The following ITGA7 variants were observed in gnomAD, a reference collection of about 807,000 sequenced individuals.
The protein encoded by ITGA7 is integrin subunit alpha 7.
Under a neutral mutation model 131.6 loss-of-function variants are expected in ITGA7, and 84 were observed. The ratio of observed to expected loss-of-function variants is 0.64; its 90% confidence interval spans 0.54 to 0.77. The LOEUF (loss-of-function observed/expected upper bound fraction) is 0.77, where lower values mean the gene tolerates loss of function less well. Ranked by LOEUF, ITGA7 falls within the 30% of genes least tolerant of loss-of-function variation. The probability of loss-of-function intolerance (pLI) is 0.00; values close to 1 mark genes in which losing one functional copy is unlikely to be tolerated. For missense variants in ITGA7, 1,399 were observed against 1,482.9 expected (o/e 0.94, Z 0.93); for synonymous variants, 548 against 600.7 (o/e 0.91, Z 1.28).
rs567064749 is a variant in ITGA7, at chr12:55,700,384, C to T, written c.671-395G>A. ...TGAGCCCTGTGCACAGAGCTCCACC[C>T]TGGCCGTGCCTGCAAGGACAGACCT... On this transcript the variant is annotated intron_variant, in intron 4 of 24. Coordinates refer to ENST00000257879, the MANE Select transcript of ITGA7 (RefSeq NM_002206.3). 2.8e-5 allele frequency: 45 copies of T among 1,606,708 alleles called. 1 individual carries two copies. The South Asian group carries it at 5.0e-4, about 18-fold the overall frequency.
At chr12:55,692,499 A>G (rs995251845) in intron 21 of ITGA7, among the ~76,000 whole-genome samples, 4 of 152,260 alleles carry the variant, frequency 2.6e-5, no homozygotes, top group Non-Finnish European at 5.9e-5. Flanking sequence ...TTTATCTTAT[A>G]AGAGTTCAAA....
chr12:55,696,958 T>C lies in ITGA7; in HGVS notation c.1678A>G (p.Thr560Ala), dbSNP rs1355173470. 6.2e-7 allele frequency: 1 copy of C among 1,614,150 alleles called. No individual in the cohort carries two copies. Among genetic ancestry groups the C allele is most frequent in the Non-Finnish European group, 8.5e-7 (1 of 1,180,028 alleles). ...LEEPKHQASGTVWLKHQHDRV... is the reference protein window; with the variant it reads ...LEEPKHQASGAVWLKHQHDRV... The stretch of plus-strand genomic sequence containing the variant: ...TCATGCTGGTGCTTCAGCCACACGG[T>C]GCCCGAGGCCTGGTGCTTGGGTTCT... Residue 560 changes from threonine to alanine, a missense_variant, in exon 12 of 25, where the codon ACC (threonine) becomes GCC (alanine). Physicochemically the swap from Thr to Ala is moderately conservative, Grantham distance 58. Coordinates refer to ENST00000257879, the MANE Select transcript of ITGA7 (RefSeq NM_002206.3).
chr12:55,705,545 C>T (rs1437660773), intron 1 of ITGA7, among the ~76,000 whole-genome samples: 2 of 152,226 alleles, frequency 1.3e-5, no homozygotes, highest in Non-Finnish European at 2.9e-5. Context: ...CTGGGTGGCC[C>T]TCTGGGGAGG....
chr12:55,712,048 T>G, upstream of ITGA7: 1 of 1,549,488 alleles, frequency 6.5e-7, no homozygotes. Flanking sequence ...ATGAGAACTT[T>G]TTTACTTCAC....
intron 13 of ITGA7, 33 bp from the exon 14 acceptor site, chr12:55,695,670 AG>A: frequency 6.7e-7 from 1 of 1,502,524 alleles, no homozygotes; most frequent in South Asian, 1.1e-5. Context: ...GGGCATTCCT[AG>A]GGGGCAAGGC....
chr12:55,711,547 T>C (rs543670286), upstream of ITGA7, among the ~76,000 whole-genome samples: 1 of 151,880 alleles, frequency 6.6e-6, no homozygotes, highest in East Asian at 1.9e-4. Context: ...TGATAATCCA[T>C]GGAATAGATT....
At chr12:55,716,311 CG>C, upstream of ITGA7, 1 of 1,511,746 alleles carries the variant, frequency 6.6e-7, no homozygotes, top group Non-Finnish European at 8.8e-7. Flanking sequence ...TAGCGGGCAA[CG>C]GGCATGGGGG....
In ITGA7 at chr12:55,698,580, T is replaced by C. The variant is rs370741662; in HGVS notation, c.999-4A>G. ...ACCCACTATCAGGTCTGGCCAGCTA[T>C]GGAGAGAGGGAAACATTCAGTGTGG... On this transcript the variant is annotated splice_region_variant and splice_polypyrimidine_tract_variant and intron_variant, in intron 6 of 24. Transcript: ENST00000257879. The C allele has an allele frequency of 9.3e-4, 1,498 of 1,614,038 alleles. 17 individuals are homozygous for C. In the South Asian group the frequency reaches 0.014, roughly 15 times the overall value.
At chr12:55,707,925 C>A (rs560519020), upstream of ITGA7, 45 of 1,385,518 alleles carry the variant, frequency 3.2e-5, no homozygotes, top group Non-Finnish European at 4.2e-5. Flanking sequence ...GCCTCCTCTC[C>A]CGGGGACGCC....
At chr12:55,691,287 T>C (rs987709469) in intron 21 of ITGA7, among the ~76,000 whole-genome samples, 1 of 152,134 alleles carries the variant, frequency 6.6e-6, no homozygotes, top group African/African-American at 2.4e-5. Flanking sequence ...GAGAGTAGAA[T>C]AGTTGTTACC....
chr12:55,702,562 G>GCCT (rs1874294070), intron 3 of ITGA7, among the ~76,000 whole-genome samples: 1 of 151,994 alleles, frequency 6.6e-6, no homozygotes, highest in African/African-American at 2.4e-5. Flanking sequence ...TGATCCACCT[G>GCCT]CCTCGGCCTC....
chr12:55,703,382 T>C (rs1027152780), intron 1 of ITGA7, among the ~76,000 whole-genome samples: 5 of 151,648 alleles, frequency 3.3e-5, no homozygotes, highest in African/African-American at 9.7e-5. Flanking sequence ...TGCATGTACA[T>C]ACTATCTGGA....
At chr12:55,699,824 AGGCT>A in intron 5 of ITGA7, 42 bp downstream of exon 5, 1 of 1,574,030 alleles carries the variant, frequency 6.4e-7, no homozygotes, top group South Asian at 1.2e-5. Flanking sequence ...GAAGGAGGGG[AGGCT>A]GGGCCATGCC....
At chr12:55,711,954 T>C, upstream of ITGA7, 1 of 877,594 alleles carries the variant, frequency 1.1e-6, no homozygotes, top group Non-Finnish European at 1.9e-6. Flanking sequence ...ACTTCAGGGC[T>C]AACTTCTCCC....
intron 7 of ITGA7, 42 bp downstream of exon 7, chr12:55,698,340 TG>T: frequency 6.5e-7 from 1 of 1,541,938 alleles, no homozygotes; most frequent in Admixed American, 1.9e-5. Context: ...CCATCCCTCC[TG>T]TGGCCCCTCC....
upstream of ITGA7, among the ~76,000 whole-genome samples, chr12:55,710,674 T>C (rs1358060465): frequency 6.7e-6 from 1 of 149,458 alleles, no homozygotes; most frequent in Non-Finnish European, 1.5e-5. Flanking sequence ...TAGGCGGGAG[T>C]GTCACTTGAG....
rs539358320 is a variant in ITGA7, at chr12:55,701,262, C to T, written c.415-108G>A. ...GCAGATACTGATACATGTGTGCTCA[C>T]ATGCACATGCACATGCACACATACA... On this transcript the variant is annotated intron_variant, in intron 3 of 24. Coordinates refer to ENST00000257879, the MANE Select transcript of ITGA7 (RefSeq NM_002206.3). 1.1e-4 allele frequency: 171 copies of T among 1,549,486 alleles called. No individual in the cohort carries two copies. In the African/African-American group the frequency reaches 2.1e-3, roughly 19 times the overall value.
intron 21 of ITGA7, among the ~76,000 whole-genome samples, chr12:55,691,953 C>A (rs1303629489): frequency 1.3e-5 from 2 of 152,174 alleles, no homozygotes. Context: ...CGAGCCCCAT[C>A]CTAGCAGGGA....
rs778072374 is a variant in ITGA7 at position 55,693,324 on chromosome 12, G to GA, written c.2536-8dup. 178 of 1,611,272 alleles carry GA rather than the reference G, an allele frequency of 1.1e-4. No homozygotes were observed. The highest frequency in any genetic ancestry group is 1.3e-4 in the Non-Finnish European group (157 of 1,178,130). ...ACTGGCCTTGGTTGGAAACCTGTGG[G>GA]AAAAAGAGAGTATGAGGGGAGAGAC... On this transcript the variant is annotated splice_polypyrimidine_tract_variant and splice_region_variant and intron_variant, in intron 19 of 24. Transcript: ENST00000257879.
Sources: gnomAD v4.1 joint callset for allele counts (sites outside exome capture counted in the v4.1 genomes callset) on GRCh38, gnomAD v4.1.1 for gene constraint, MANE v1.5 for transcripts, NCBI Gene and HGNC (gene_info 2026-07-23, HGNC 2026-07-21) for gene names.